UFSP2: variants seen among roughly 807,000 people sequenced by gnomAD.
UFSP2 encodes ufm1-specific protease 2.
Under a neutral mutation model 60.2 loss-of-function variants are expected in UFSP2, and 43 were observed. The ratio of observed to expected loss-of-function variants is 0.71; its 90% CI spans 0.56 to 0.92. The LOEUF (loss-of-function observed/expected upper bound fraction) is 0.92. Ranked by LOEUF, UFSP2 falls within the 40% of genes least tolerant of loss-of-function variation. The pLI is 0.00. For synonymous variants in UFSP2, 183 were observed against 195.1 expected (o/e 0.94, Z 0.52); for missense variants, 520 against 575.0 (o/e 0.90, Z 0.98).
rs2095537611 is a variant in UFSP2, at chr4:185,415,807, G to A, written c.394C>T (p.Pro132Ser). 6.2e-7 allele frequency: 1 copy of A among 1,613,644 alleles called. No homozygotes were observed. Among genetic ancestry groups the A allele is most frequent in the Non-Finnish European group, 8.5e-7 (1 of 1,179,658 alleles). The change falls in exon 5 of 12, where the codon CCC (proline) becomes TCC (serine). Residue 132 changes from proline to serine, a missense_variant. Physicochemically the swap from Pro to Ser is moderately conservative, Grantham distance 74 (BLOSUM62 -1). Transcript: ENST00000264689. Reference sequence around the variant, plus strand: ...CCTCCGCTTTCCCTTTCAATGATGGGCGTTACAGCTGCCAGGGAGGTTGAC... The same window carrying A: ...CCTCCGCTTTCCCTTTCAATGATGGACGTTACAGCTGCCAGGGAGGTTGAC... ...EMSTSLAAVTPIIERESGGHH... is the reference protein window; with the variant it reads ...EMSTSLAAVTSIIERESGGHH...
intron 7 of UFSP2, among the ~76,000 whole-genome samples, chr4:185,410,937 C>CTCCA (rs1190817521): frequency 8.0e-6 from 1 of 124,258 alleles, no homozygotes; most frequent in African/African-American, 2.7e-5. Flanking sequence ...CAGAGCAAGA[C>CTCCA]TCCATCTCAA....
At chr4:185,401,852 T>C (rs1014098101) in intron 11 of UFSP2, among the ~76,000 whole-genome samples, 2 of 152,218 alleles carry the variant, frequency 1.3e-5, no homozygotes, top group Non-Finnish European at 1.5e-5. Context: ...TGCCATGTAG[T>C]GCAGAGCCCC....
intron 4 of UFSP2, 55 bp downstream of exon 4, chr4:185,418,386 C>T: frequency 7.3e-7 from 1 of 1,374,118 alleles, no homozygotes; most frequent in Non-Finnish European, 1.0e-6. Flanking sequence ...GCACTCAGTT[C>T]CAAATCCAAA....
At position 185,415,184 on chromosome 4, in the gene UFSP2, G is replaced by T. The variant is rs142237251; in HGVS notation, c.655C>A (p.Pro219Thr). The change falls in exon 6 of 12, where the codon CCA (proline) becomes ACA (threonine). Residue 219 changes from proline to threonine, a missense_variant. Physicochemically the swap from Pro to Thr is conservative, Grantham distance 38. Coordinates refer to ENST00000264689, the MANE Select transcript of UFSP2 (RefSeq NM_018359.5). The part of the protein sequence containing the change: ...LVTISYPSGI[P>T]DGQLQAYRKE... ...CTATAGGCCTGCAGCTGGCCATCTG[G>T]TATTCCTGAAGGATATGAAATTGTT... The T allele has an allele frequency of 3.7e-6, 6 of 1,601,978 alleles. No individual in the cohort carries two copies. In the African/African-American group the frequency reaches 5.4e-5, roughly 14 times the overall value.
intron 10 of UFSP2, among the ~76,000 whole-genome samples, chr4:185,404,406 C>G (rs1181548507): frequency 6.7e-6 from 1 of 149,588 alleles, no homozygotes; most frequent in Non-Finnish European, 1.5e-5. Flanking sequence ...AGCAATTCTC[C>G]TGCCTCAGCC....
At chr4:185,414,101 GA>G (rs2095534275) in intron 6 of UFSP2, among the ~76,000 whole-genome samples, 1 of 152,034 alleles carries the variant, frequency 6.6e-6, no homozygotes, top group African/African-American at 2.4e-5. Context: ...AGGGAACAGA[GA>G]AAAATGAATA....
chr4:185,402,308 AGT>A, intron 11 of UFSP2: 1 of 455,686 alleles, frequency 2.2e-6, no homozygotes, highest in Non-Finnish European at 4.4e-6. Context: ...TACATGCACC[AGT>A]CAAAAAACCT....
At chr4:185,402,078 C>G (rs2095513909) in intron 11 of UFSP2, among the ~76,000 whole-genome samples, 1 of 152,126 alleles carries the variant, frequency 6.6e-6, no homozygotes, top group Non-Finnish European at 1.5e-5. Context: ...CACCACAGCA[C>G]CAGCCTCGTA....
rs752844621 is a variant in UFSP2 at position 185,422,494 on chromosome 4, T to C, written c.73A>G (p.Thr25Ala). 1 of 1,609,426 alleles carries C rather than the reference T, an allele frequency of 6.2e-7. No individual in the cohort carries two copies. Among genetic ancestry groups the C allele is most frequent in the Non-Finnish European group, 8.5e-7 (1 of 1,178,486 alleles). ...TTTTCAGAAGACCTACCATTAGGAG[T>C]AGCTAGCTGAAAAGCCAAATCAAGG... ...GGLDLAFQLA[T>A]PNEIFLKKAL... is the part of the protein sequence containing the mutation. Residue 25 changes from threonine to alanine, a missense_variant, in exon 2 of 12, where the codon ACT (threonine) becomes GCT (alanine). Transcript: ENST00000264689.
chr4:185,423,243 C>A (rs2095552773), intron 1 of UFSP2, among the ~76,000 whole-genome samples: 1 of 152,200 alleles, frequency 6.6e-6, no homozygotes, highest in Non-Finnish European at 1.5e-5. Context: ...TTAAGACAAT[C>A]TTTCCAAATT....
Position 185,400,340 on chromosome 4 carries a change from T to A in UFSP2, c.*52A>T. On this transcript the variant is annotated 3_prime_UTR_variant, in exon 12 of 12. Coordinates refer to ENST00000264689, the MANE Select transcript of UFSP2 (RefSeq NM_018359.5). ...AATGTGAAAAATTAAACTGATTCTT[T>A]ATTCACAAATTTATAATACCACTCT... 1 of 1,379,214 alleles carries A rather than the reference T, an allele frequency of 7.3e-7. No homozygotes were observed. The highest frequency in any genetic ancestry group is 1.2e-5 in the South Asian group (1 of 80,558). 85.4% of individuals were successfully genotyped at this position (1,379,214 alleles called of 1,614,324 possible). A position where few individuals can be genotyped will look rare whatever the true frequency, so the allele number is the denominator to read the frequency against.
intron 7 of UFSP2, among the ~76,000 whole-genome samples, chr4:185,410,375 C>A (rs570467440): frequency 6.6e-6 from 1 of 152,204 alleles, no homozygotes; most frequent in Non-Finnish European, 1.5e-5. Flanking sequence ...GCTGTCCAGG[C>A]ACGGTGGCTC....
intron 7 of UFSP2, among the ~76,000 whole-genome samples, chr4:185,412,931 T>C (rs1270376339): frequency 1.3e-5 from 2 of 152,108 alleles, no homozygotes; most frequent in Non-Finnish European, 2.9e-5. Context: ...TTCACTCTTA[T>C]TTGAGCTACC....
intron 4 of UFSP2, 67 bp downstream of exon 4, chr4:185,418,374 T>C (rs2095543066): frequency 2.5e-6 from 3 of 1,206,560 alleles, no homozygotes; most frequent in East Asian, 2.4e-5. Context: ...ATTTCTAAGA[T>C]TGCACTCAGT....
At position 185,400,656 on chromosome 4, in the gene UFSP2, G is replaced by T. The variant is rs1293170455; in HGVS notation, c.1324-178C>A. ...GTAACGTATCTTACCCTTTAAGGTA[G>T]GTTTTTGAACTTTTAATTCTATGTA... On this transcript the variant is annotated intron_variant, in intron 11 of 11. Transcript: ENST00000264689. 9.3e-6 allele frequency: 4 copies of T among 432,430 alleles called. No homozygotes were observed. In the East Asian group the frequency reaches 1.4e-4, roughly 15 times the overall value. 26.8% of individuals were successfully genotyped at this position (432,430 alleles called of 1,614,324 possible).
At chr4:185,405,002 C>CT (rs70962563) in intron 10 of UFSP2, among the ~76,000 whole-genome samples, 86,042 of 138,180 alleles carry the variant, frequency 0.62, 29,107 homozygotes, top group East Asian at 0.86. Flanking sequence ...ACCTCCATTT[C>CT]TTTTTTTTTT....
intron 2 of UFSP2, among the ~76,000 whole-genome samples, chr4:185,422,111 T>G (rs925583174): frequency 1.1e-4 from 17 of 152,206 alleles, no homozygotes; most frequent in Non-Finnish European, 2.1e-4. Flanking sequence ...CCCCATATAA[T>G]GTAGTATTTA....
chr4:185,418,229 AT>A (rs2095542723), intron 4 of UFSP2, among the ~76,000 whole-genome samples: 1 of 152,256 alleles, frequency 6.6e-6, no homozygotes, highest in Admixed American at 6.5e-5. Context: ...AGAAAGCATT[AT>A]AAAAAAACCC....
At chr4:185,407,841 G>C (rs2095523051) in intron 9 of UFSP2, 95 bp downstream of exon 9, 2 of 1,309,538 alleles carry the variant, frequency 1.5e-6, no homozygotes, top group South Asian at 3.2e-5. Flanking sequence ...GGAATAAAAA[G>C]AAATAAGGGA....
Sources: gnomAD v4.1 joint callset for allele counts (sites outside exome capture counted in the v4.1 genomes callset) on GRCh38, gnomAD v4.1.1 for gene constraint, MANE v1.5 for transcripts, NCBI Gene and HGNC (gene_info 2026-07-23, HGNC 2026-07-21) for gene names.